Variants in TULP4 observed in about 807,000 individuals in gnomAD.
TULP4 encodes the protein TUB like protein 4.
Under a neutral mutation model 129.0 loss-of-function variants are expected in TULP4, and 16 were observed. The observed-to-expected ratio is 0.12, with a 90% CI of 0.08 to 0.19. The LOEUF (loss-of-function observed/expected upper bound fraction) is 0.19. Ranked by LOEUF, TULP4 falls within the 10% of genes least tolerant of loss-of-function variation. The probability of loss-of-function intolerance (pLI) is 1.00; values close to 1 mark genes in which losing one functional copy is unlikely to be tolerated. For synonymous variants in TULP4, 998 were observed against 854.0 expected (o/e 1.17, Z -2.94); for missense variants, 1,842 against 2,059.1 (o/e 0.89, Z 2.04).
chr6:158,360,368 C>T (rs1358800646), intron 1 of TULP4, among the ~76,000 whole-genome samples: 1 of 152,138 alleles, frequency 6.6e-6, no homozygotes, highest in Non-Finnish European at 1.5e-5. Context: ...AGACCCTTAA[C>T]TCATCTTGTT....
chr6:158,404,948 C>T (rs751084843), intron 1 of TULP4, among the ~76,000 whole-genome samples: 1 of 151,822 alleles, frequency 6.6e-6, no homozygotes, highest in African/African-American at 2.4e-5. Flanking sequence ...TTTCTTTAAA[C>T]TGTTATATAT....
chr6:158,237,640 G>C (rs1045114515), intron 1 of TULP4: 1 of 1,349,346 alleles, frequency 7.4e-7, no homozygotes, highest in Non-Finnish European at 1.1e-6. Context: ...TGGATCTGGG[G>C]TAAGTTTTGG....
chr6:158,282,445 C>T (rs1778770760), intron 1 of TULP4: 1 of 151,734 alleles, frequency 6.6e-6, no homozygotes, highest in Non-Finnish European at 1.5e-5. Context: ...TTGCTGAACC[C>T]CAAACTAATG....
Position 158,504,165 on chromosome 6 carries a change from T to C in TULP4, c.4502T>C (p.Leu1501Ser). Residue 1501 changes from leucine (L) to serine (S), a missense_variant, in exon 13 of 14, where the codon TTA (leucine) becomes TCA (serine). Physicochemically the swap from Leu to Ser is moderately radical, Grantham distance 145 (BLOSUM62 -2). Coordinates refer to ENST00000367097, the MANE Select transcript of TULP4 (RefSeq NM_020245.5). ...TCCGCCAAGAACTTCCAGATTGAGTTAGAGGGGCGGCAGGTAAGACCTCAG... is the reference window on the plus strand; with the variant it reads ...TCCGCCAAGAACTTCCAGATTGAGTCAGAGGGGCGGCAGGTAAGACCTCAG... ...QESAKNFQIE[L>S]EGRQVMQFGR... The C allele has an allele frequency of 6.3e-7, 1 of 1,591,418 alleles. No homozygotes were observed. The highest frequency in any genetic ancestry group is 8.6e-7 in the Non-Finnish European group (1 of 1,167,440).
intron 3 of TULP4, among the ~76,000 whole-genome samples, chr6:158,433,959 T>C (rs990783540): frequency 6.6e-6 from 1 of 152,170 alleles, no homozygotes; most frequent in Admixed American, 6.5e-5. Context: ...TTCTGGAGGC[T>C]AGAAGTCCAA....
At position 158,377,191 on chromosome 6, in the gene TULP4, G is replaced by A. The variant is rs372166155; in HGVS notation, c.253-35874G>A. ...CATGTGCTTATGAAGCACCCAGCAC[G>A]CCTGCCACGTGGCCAGCACTGTCTT... On this transcript the variant is annotated intron_variant, in intron 1 of 13. Coordinates refer to ENST00000367097, the MANE Select transcript of TULP4 (RefSeq NM_020245.5). Among the ~76,000 whole-genome samples, 101 of 152,296 alleles carry A rather than the reference G, an allele frequency of 6.6e-4. 1 individual carries two copies. Among genetic ancestry groups the A allele is most frequent in the Middle Eastern group, 3.4e-3 (1 of 294 alleles).
intron 1 of TULP4, among the ~76,000 whole-genome samples, chr6:158,241,150 G>A (rs1350695160): frequency 7.3e-6 from 1 of 136,888 alleles, no homozygotes; most frequent in East Asian, 2.3e-4. Flanking sequence ...CAGACGATGG[G>A]CGGCCGGGCA....
In TULP4 at chr6:158,507,097, T is replaced by TA. The variant is rs1348494156; in HGVS notation, c.*407dup. The TA allele has an allele frequency of 5.9e-6, 1 of 168,178 alleles. No homozygotes were observed. The highest frequency in any genetic ancestry group is 1.8e-4 in the East Asian group (1 of 5,582). The allele number at this position is 168,178 out of a possible 1,614,324, so 10.4% of individuals were successfully genotyped here. Reference sequence around the variant, plus strand: ...TTCTCCTCCAACATCACCACTAGCGTAAAAGCAAAAAGCTTTTACAAAACA... The same window carrying TA: ...TTCTCCTCCAACATCACCACTAGCGTAAAAAGCAAAAAGCTTTTACAAAACA... On this transcript the variant is annotated 3_prime_UTR_variant, in exon 14 of 14. Transcript: ENST00000367097.
intron 1 of TULP4, among the ~76,000 whole-genome samples, chr6:158,273,743 G>A (rs932048917): frequency 6.6e-6 from 1 of 152,168 alleles, no homozygotes; most frequent in South Asian, 2.1e-4. Flanking sequence ...CAAATAATCT[G>A]TCTGGTCCTA....
At chr6:158,452,665 T>C (rs1779190105) in intron 5 of TULP4, among the ~76,000 whole-genome samples, 1 of 152,200 alleles carries the variant, frequency 6.6e-6, no homozygotes, top group Non-Finnish European at 1.5e-5. Context: ...CCCCTGTAAT[T>C]TTAAGAATCT....
chr6:158,266,905 A>G (rs532558879), intron 1 of TULP4, among the ~76,000 whole-genome samples: 1 of 152,256 alleles, frequency 6.6e-6, no homozygotes, highest in South Asian at 2.1e-4. Flanking sequence ...ATCGCTATCC[A>G]TCTCCAGAAC....
chr6:158,383,976 G>A (rs560633925), intron 1 of TULP4, among the ~76,000 whole-genome samples: 2 of 152,200 alleles, frequency 1.3e-5, no homozygotes, highest in Non-Finnish European at 2.9e-5. Flanking sequence ...TAATAGTACA[G>A]ACTTTATACC....
chr6:158,348,108 T>C (rs999172972), intron 1 of TULP4, among the ~76,000 whole-genome samples: 1 of 150,930 alleles, frequency 6.6e-6, no homozygotes, highest in African/African-American at 2.4e-5. Context: ...CCTTAATAGA[T>C]AAATGCCATA....
At position 158,508,442 on chromosome 6, in the gene TULP4, C is replaced by T. The variant is rs1285720539; in HGVS notation, c.*1748C>T. On this transcript the variant is annotated 3_prime_UTR_variant, in exon 14 of 14. Coordinates refer to ENST00000367097, the MANE Select transcript of TULP4 (RefSeq NM_020245.5). Reference sequence around the variant, plus strand: ...GACATGACATCACTCCCAATTCTCTCCAAACCCCAGAGAAATACTGACGAA... The same window carrying T: ...GACATGACATCACTCCCAATTCTCTTCAAACCCCAGAGAAATACTGACGAA... 6.6e-6 allele frequency: 1 copy of T among 152,282 alleles called. No homozygotes were observed. The highest frequency in any genetic ancestry group is 1.5e-5 in the Non-Finnish European group (1 of 68,048). The allele number at this position is 152,282 out of a possible 1,614,324, so 9.4% of individuals were successfully genotyped here. A position where few individuals can be genotyped will look rare whatever the true frequency, so the allele number is the denominator to read the frequency against.
At chr6:158,237,565 T>A in intron 1 of TULP4, 1 of 1,545,594 alleles carries the variant, frequency 6.5e-7, no homozygotes, top group East Asian at 2.2e-5. Context: ...TCCCATCTGA[T>A]CCTTCTTTTT....
chr6:158,238,304 G>C, intron 1 of TULP4: 2 of 1,049,192 alleles, frequency 1.9e-6, no homozygotes, highest in South Asian at 2.7e-5. Flanking sequence ...TGGGCACCTT[G>C]GGTTAACATA....
chr6:158,404,986 G>GT (rs1270737881), intron 1 of TULP4, among the ~76,000 whole-genome samples: 1 of 151,794 alleles, frequency 6.6e-6, no homozygotes, highest in Non-Finnish European at 1.5e-5. Flanking sequence ...AGATTTTTAA[G>GT]TTAAAAAAAA....
chr6:158,393,852 C>T (rs571304949), intron 1 of TULP4, among the ~76,000 whole-genome samples: 82 of 152,318 alleles, frequency 5.4e-4, no homozygotes, highest in African/African-American at 1.7e-3. Context: ...ATCGTCTTGG[C>T]GATTAACATT....
intron 1 of TULP4, among the ~76,000 whole-genome samples, chr6:158,411,159 AAT>A (rs1158435460): frequency 6.6e-6 from 1 of 152,058 alleles, no homozygotes; most frequent in Non-Finnish European, 1.5e-5. Context: ...AACTACTTGA[AAT>A]AGTTTCCAAT....
Sources: allele counts gnomAD v4.1 joint callset (sites outside exome capture counted in the v4.1 genomes callset), GRCh38; gene constraint gnomAD v4.1.1; transcripts MANE v1.5; gene names NCBI Gene and HGNC (gene_info 2026-07-23, HGNC 2026-07-21).